Variants in GFUS observed in about 807,000 individuals in gnomAD.
GFUS encodes the protein GDP-L-fucose synthase, also known as 3-5 epimerase/4-reductase.
In GFUS, 42 loss-of-function variants were observed where a neutral mutation model predicts 41.5. That is an observed-to-expected ratio of 1.01 (90% CI 0.79 to 1.31). The LOEUF (loss-of-function observed/expected upper bound fraction) is 1.31. Ranked by LOEUF, GFUS falls within the 50% of genes most tolerant of loss-of-function variation. GFUS has a pLI of 0.00. For synonymous variants in GFUS, 188 were observed against 173.4 expected (o/e 1.08, Z -0.66); for missense variants, 437 against 428.7 (o/e 1.02, Z -0.17).
rs775618049 is a variant in GFUS at position 143,613,752 on chromosome 8, G to A, written c.729C>T (p.Ser243=). 3.0e-5 allele frequency: 47 copies of A among 1,551,260 alleles called. No individual in the cohort carries two copies. Among genetic ancestry groups the A allele is most frequent in the East Asian group, 7.3e-5 (3 of 40,950 alleles). Residue 243 remains serine, a splice_region_variant and synonymous_variant, in exon 8 of 11, where the codon TCC becomes TCT. Coordinates refer to ENST00000425753, the MANE Select transcript of GFUS (RefSeq NM_003313.4). ...EYNEVEPIIL[S]VGEEDEVSIK... ...GGGGCTGAGGGCTGAGGTACCCACCGGAGAGGATGATGGGCTCCACTTCAT... is the reference window on the plus strand; with the variant it reads ...GGGGCTGAGGGCTGAGGTACCCACCAGAGAGGATGATGGGCTCCACTTCAT...
intron 9 of GFUS, 40 bp downstream of exon 9, chr8:143,613,484 G>T: frequency 2.5e-6 from 4 of 1,602,106 alleles, no homozygotes; most frequent in Non-Finnish European, 3.4e-6. Flanking sequence ...CCCGCCCAAG[G>T]GGCCCCCGCC....
At position 143,617,365 on chromosome 8, in the gene GFUS, A is replaced by C. The variant is rs553522714; in HGVS notation, c.-12+109T>G. The C allele has an allele frequency of 2.9e-4, 44 of 153,864 alleles. 1 individual carries two copies. The South Asian group carries it at 8.1e-3, about 28-fold the overall frequency. The allele number at this position is 153,864 out of a possible 1,614,324, so 9.5% of individuals were successfully genotyped here. ...CCTCACCGCAGCCAGACCCTCTACC[A>C]CAGCCCCAGGCTGCCCCCATGCCCC... On this transcript the variant is annotated intron_variant, in intron 1 of 10. Transcript: ENST00000425753.
chr8:143,613,730 G>T, intron 8 of GFUS, 21 bp downstream of exon 8: 2 of 1,550,772 alleles, frequency 1.3e-6, no homozygotes, highest in Non-Finnish European at 1.7e-6. Flanking sequence ...GAGGAAGGGG[G>T]CTGAGGGCTG....
Position 143,616,665 on chromosome 8 carries a change from A to T in GFUS, c.48T>A (p.Ser16=), listed in dbSNP as rs1829734997. 6.2e-7 allele frequency: 1 copy of T among 1,613,828 alleles called. No homozygotes were observed. The highest frequency in any genetic ancestry group is 1.1e-5 in the South Asian group (1 of 91,086). Reference sequence around the variant, plus strand: ...TCTGGATGGCTTTGCCTACCAGCCCAGAGCCCCCTGTCACTAGAATCCGCA... The same window carrying T: ...TCTGGATGGCTTTGCCTACCAGCCCTGAGCCCCCTGTCACTAGAATCCGCA... The part of the protein sequence containing the change: ...GSMRILVTGG[S]GLVGKAIQKV... The change falls in exon 2 of 11, where the codon TCT becomes TCA. Residue 16 remains serine (S), a synonymous_variant. Transcript: ENST00000425753.
chr8:143,614,038 C>A (rs1315742230), intron 7 of GFUS, 126 bp downstream of exon 7: 3 of 1,370,996 alleles, frequency 2.2e-6, no homozygotes, highest in Non-Finnish European at 3.0e-6. Context: ...CCTCTTGGAG[C>A]TCAGCCCAGA....
chr8:143,616,153 T>C lies in GFUS; in HGVS notation c.214A>G (p.Met72Val), dbSNP rs745803355. The change falls in exon 3 of 11, where the codon ATG (methionine) becomes GTG (valine). Residue 72 changes from methionine (M) to valine (V), a missense_variant. By Grantham distance (21) the Met-to-Val change is conservative. Transcript: ENST00000425753. ...ATATTCCGGAACAGGCCCCCCACCA[T>C]TGCAGCAAGATGGATGACGTGTGTG... Reference protein sequence around the residue: ...QPTHVIHLAAMVGGLFRNIKY... With the variant: ...QPTHVIHLAAVVGGLFRNIKY... The C allele has an allele frequency of 1.9e-6, 3 of 1,612,788 alleles. No individual in the cohort carries two copies. The highest frequency in any genetic ancestry group is 1.7e-6 in the Non-Finnish European group (2 of 1,179,160).
At chr8:143,615,007 G>T in intron 3 of GFUS, 92 bp from the exon 4 acceptor site, 13 of 1,521,078 alleles carry the variant, frequency 8.5e-6, no homozygotes, top group Non-Finnish European at 7.9e-6. Context: ...GACACACCCT[G>T]GCCCTTCAGC....
At chr8:143,613,893 A>C in intron 7 of GFUS, 76 bp from the exon 8 acceptor site, 1 of 1,460,288 alleles carries the variant, frequency 6.8e-7, no homozygotes. Flanking sequence ...TGGGGAGTCC[A>C]TACTGCTGTC....
At chr8:143,614,124 G>T in intron 7 of GFUS, 40 bp downstream of exon 7, 1 of 1,609,596 alleles carries the variant, frequency 6.2e-7, no homozygotes, top group Non-Finnish European at 8.5e-7. Context: ...GGCTCAATAG[G>T]GCAGGTTCTC....
In GFUS at chr8:143,614,387, G is replaced by A. The variant is rs764185740; in HGVS notation, c.531C>T (p.His177=). 9 of 1,613,866 alleles carry A rather than the reference G, an allele frequency of 5.6e-6. No homozygotes were observed. Among genetic ancestry groups the A allele is most frequent in the Admixed American group, 1.7e-5 (1 of 60,000 alleles). The change falls in exon 6 of 11, where the codon CAC becomes CAT. Residue 177 remains histidine, a synonymous_variant. Transcript: ENST00000425753. ...AVIPTNVFGP[H]DNFNIEDGHV... ...GGCCATCCTCGATGTTGAAGTTGTC[G>A]TGGGGCCCGAAGACGTTGGTGGGGA...
chr8:143,617,508 G>A lies in GFUS; in HGVS notation c.-46C>T, dbSNP rs1829759111. On this transcript the variant is annotated 5_prime_UTR_variant, in exon 1 of 11. Transcript: ENST00000425753. ...GCCCCACCGCCGGCTCCCCGACAGC[G>A]GCTTCCGGCCGGGTGCGCTCCGGCT... 2 of 152,298 alleles carry A rather than the reference G, an allele frequency of 1.3e-5. 1 individual carries two copies. The highest frequency in any genetic ancestry group is 4.1e-4 in the South Asian group (2 of 4,836). 9.4% of individuals were successfully genotyped at this position (152,298 alleles called of 1,614,324 possible). A position where few individuals can be genotyped will look rare whatever the true frequency, so the allele number is the denominator to read the frequency against.
In GFUS at chr8:143,614,193, T is replaced by C. The variant is rs201183774; in HGVS notation, c.634A>G (p.Asn212Asp). 69 of 1,613,384 alleles carry C rather than the reference T, an allele frequency of 4.3e-5. No individual in the cohort carries two copies. The highest frequency in any genetic ancestry group is 1.1e-5 in the Non-Finnish European group (13 of 1,180,012). ...GSALTVWGTG[N>D]PRRQFIYSLD... ...GAGTATATGAACTGCCTCCGCGGAT[T>C]CCCTGTACCCCACACCGTCAGGGCC... The change falls in exon 7 of 11, where the codon AAT becomes GAT. Residue 212 changes from asparagine to aspartate, a missense_variant. Physicochemically the swap from Asn to Asp is conservative, Grantham distance 23 (BLOSUM62 1). Transcript: ENST00000425753.
chr8:143,613,308 T>A lies in GFUS; in HGVS notation c.811-13A>T, dbSNP rs374625725. The stretch of plus-strand genomic sequence containing the variant: ...TGGTTGTATCAAACTGGAGGCTTTG[T>A]CAAGGCCACAGCGAGAAGAGCACCT... On this transcript the variant is annotated splice_polypyrimidine_tract_variant and intron_variant, in intron 9 of 10. Coordinates refer to ENST00000425753, the MANE Select transcript of GFUS (RefSeq NM_003313.4). 3 of 1,613,168 alleles carry A rather than the reference T, an allele frequency of 1.9e-6. No individual in the cohort carries two copies. The highest frequency in any genetic ancestry group is 2.5e-6 in the Non-Finnish European group (3 of 1,179,188).
intron 3 of GFUS, 42 bp from the exon 4 acceptor site, chr8:143,614,957 G>C (rs950729180): frequency 6.4e-7 from 1 of 1,563,710 alleles, no homozygotes; most frequent in Admixed American, 1.8e-5. Context: ...CCCCAGGCCA[G>C]ATCCCAGCCC....
intron 3 of GFUS, among the ~76,000 whole-genome samples, chr8:143,615,446 G>A (rs1829701912): frequency 6.6e-6 from 1 of 152,188 alleles, no homozygotes; most frequent in Non-Finnish European, 1.5e-5. Flanking sequence ...AGAGGTGGTG[G>A]CCAGGCAGCC....
At chr8:143,613,451 C>A in intron 9 of GFUS, 73 bp downstream of exon 9, 3 of 1,547,840 alleles carry the variant, frequency 1.9e-6, no homozygotes, top group South Asian at 1.1e-5. Context: ...CCCACGCTGG[C>A]CCTACACCGG....
Position 143,614,389 on chromosome 8 carries a change from G to A in GFUS, c.529C>T (p.His177Tyr), listed in dbSNP as rs1221664329. ...CCATCCTCGATGTTGAAGTTGTCGT[G>A]GGGCCCGAAGACGTTGGTGGGGATG... Reference protein sequence around the residue: ...AVIPTNVFGPHDNFNIEDGHV... With the variant: ...AVIPTNVFGPYDNFNIEDGHV... Residue 177 changes from histidine to tyrosine, a missense_variant, in exon 6 of 11, where the codon CAC becomes TAC. Physicochemically the swap from His to Tyr is moderately conservative, Grantham distance 83 (BLOSUM62 2). Coordinates refer to ENST00000425753, the MANE Select transcript of GFUS (RefSeq NM_003313.4). The A allele has an allele frequency of 3.1e-6, 5 of 1,613,856 alleles. No individual in the cohort carries two copies. The highest frequency in any genetic ancestry group is 3.4e-6 in the Non-Finnish European group (4 of 1,179,996).
chr8:143,615,827 G>C, intron 3 of GFUS: 1 of 398,000 alleles, frequency 2.5e-6, no homozygotes, highest in Non-Finnish European at 4.5e-6. Flanking sequence ...CCACGTGGCC[G>C]CTGGCTCTTT....
Position 143,613,184 on chromosome 8 carries a change from G to A in GFUS, c.910+12C>T, listed in dbSNP as rs758717838. ...CCTCCACCAAGTGGAGGGCTGTGGG[G>A]TCAGGGCTCACCCTGCTTGAAGGGT... is the stretch of plus-strand genomic sequence containing the variant. On this transcript the variant is annotated intron_variant, in intron 10 of 10. Coordinates refer to ENST00000425753, the MANE Select transcript of GFUS (RefSeq NM_003313.4). 1.2e-6 allele frequency: 2 copies of A among 1,612,710 alleles called. No individual in the cohort carries two copies. Among genetic ancestry groups the A allele is most frequent in the Non-Finnish European group, 1.7e-6 (2 of 1,179,190 alleles).
Sources: allele counts gnomAD v4.1 joint callset (sites outside exome capture counted in the v4.1 genomes callset), GRCh38; gene constraint gnomAD v4.1.1; transcripts MANE v1.5; gene names NCBI Gene and HGNC (gene_info 2026-07-23, HGNC 2026-07-21).